LY96: variants seen among roughly 807,000 people sequenced by gnomAD.
LY96 encodes the protein myeloid differentiation protein-2.
A neutral mutation model predicts 18.9 loss-of-function variants in LY96; 18 were observed. The observed-to-expected ratio is 0.95, with a 90% CI of 0.66 to 1.41. The LOEUF is 1.41. Ranked by LOEUF, LY96 falls within the 40% of genes most tolerant of loss-of-function variation. The pLI is 0.00. For missense variants in LY96, 175 were observed against 182.4 expected (o/e 0.96, Z 0.23); for synonymous variants, 66 against 62.6 (o/e 1.06, Z -0.26).
the LY96 span, among the ~76,000 whole-genome samples, chr8:74,097,248 G>C: frequency 6.6e-6 from 1 of 152,138 alleles, no homozygotes; most frequent in East Asian, 1.9e-4. Flanking sequence ...ACAGGTTACC[G>C]TTAGGCTGTC....
chr8:74,086,129 C>T, the LY96 span, among the ~76,000 whole-genome samples: 11,672 of 152,136 alleles, frequency 0.077, 1,017 homozygotes, highest in African/African-American at 0.22. Context: ...TAAGTGAAAT[C>T]TTTCCTGGAT....
chr8:74,053,720 A>G, the LY96 span, among the ~76,000 whole-genome samples: 1 of 152,222 alleles, frequency 6.6e-6, no homozygotes, highest in Non-Finnish European at 1.5e-5. Context: ...CTATGATTTG[A>G]ATGTGTCTGC....
chr8:74,007,677 T>C (rs17226566), intron 2 of LY96, among the ~76,000 whole-genome samples: 25,467 of 152,238 alleles, frequency 0.17, 2,662 homozygotes, highest in Non-Finnish European at 0.24. Context: ...ATAAGCTTCC[T>C]TCAAGGTTAT....
the LY96 span, among the ~76,000 whole-genome samples, chr8:74,081,887 C>T: frequency 6.6e-6 from 1 of 152,180 alleles, no homozygotes; most frequent in African/African-American, 2.4e-5. Context: ...CTCCTGACCT[C>T]ATGATCCTAA....
the LY96 span, among the ~76,000 whole-genome samples, chr8:74,044,414 T>A: frequency 6.6e-6 from 1 of 152,148 alleles, no homozygotes; most frequent in Non-Finnish European, 1.5e-5. Flanking sequence ...TGGTCTCAAA[T>A]TCCTGAGCTC....
At chr8:74,065,079 T>C in the LY96 span, among the ~76,000 whole-genome samples, 1 of 152,180 alleles carries the variant, frequency 6.6e-6, no homozygotes, top group African/African-American at 2.4e-5. Flanking sequence ...AGCCATGACT[T>C]CAACTCTTTA....
chr8:74,074,909 A>C, the LY96 span, among the ~76,000 whole-genome samples: 1 of 152,180 alleles, frequency 6.6e-6, no homozygotes, highest in Non-Finnish European at 1.5e-5. Context: ...CTAACACATG[A>C]TCTATCCTTG....
chr8:74,004,725 G>A (rs1816372838), intron 1 of LY96, 71 bp from the exon 2 acceptor site: 1 of 1,332,894 alleles, frequency 7.5e-7, no homozygotes, highest in Non-Finnish European at 1.0e-6. Context: ...TTAAAAGGCT[G>A]ATATTCAGAA....
the LY96 span, among the ~76,000 whole-genome samples, chr8:74,085,306 G>C: frequency 1.3e-5 from 2 of 152,210 alleles, no homozygotes; most frequent in Admixed American, 1.3e-4. Flanking sequence ...TTCAAAGCCA[G>C]ACATCTTATT....
chr8:74,096,551 C>T, the LY96 span, among the ~76,000 whole-genome samples: 1 of 152,264 alleles, frequency 6.6e-6, no homozygotes, highest in African/African-American at 2.4e-5. Flanking sequence ...CATTGCAACC[C>T]TCTCCCTCCA....
At chr8:74,089,989 TG>T in the LY96 span, among the ~76,000 whole-genome samples, 1 of 150,984 alleles carries the variant, frequency 6.6e-6, no homozygotes, top group East Asian at 1.9e-4. Context: ...TGGAGAGAGG[TG>T]GAAAGGGGAG....
At chr8:74,084,381 A>G in the LY96 span, among the ~76,000 whole-genome samples, 1 of 152,214 alleles carries the variant, frequency 6.6e-6, no homozygotes, top group Non-Finnish European at 1.5e-5. Context: ...CGCCTTAGCC[A>G]GAATACTGGT....
chr8:74,073,289 C>G, the LY96 span, among the ~76,000 whole-genome samples: 2 of 152,168 alleles, frequency 1.3e-5, no homozygotes, highest in East Asian at 3.8e-4. Context: ...CTGTGGCTTC[C>G]TGCCATCAGG....
At chr8:74,085,298 C>G in the LY96 span, among the ~76,000 whole-genome samples, 1 of 152,314 alleles carries the variant, frequency 6.6e-6, no homozygotes. Flanking sequence ...TGTCTGGTTT[C>G]AAAGCCAGAC....
At chr8:74,060,159 C>T in the LY96 span, among the ~76,000 whole-genome samples, 3 of 150,824 alleles carry the variant, frequency 2.0e-5, no homozygotes, top group East Asian at 1.9e-4. Context: ...ACAACAACAA[C>T]GACGACGACG....
At chr8:74,001,159 A>G (rs1363828165) in intron 1 of LY96, among the ~76,000 whole-genome samples, 1 of 151,636 alleles carries the variant, frequency 6.6e-6, no homozygotes, top group African/African-American at 2.4e-5. Context: ...ACATATAACA[A>G]CTCTACACTT....
At chr8:74,052,881 T>C in the LY96 span, among the ~76,000 whole-genome samples, 9 of 152,226 alleles carry the variant, frequency 5.9e-5, no homozygotes, top group African/African-American at 2.2e-4. Context: ...AGTTTACATT[T>C]ACCATGTGGG....
At chr8:74,081,974 T>C in the LY96 span, among the ~76,000 whole-genome samples, 2 of 152,234 alleles carry the variant, frequency 1.3e-5, no homozygotes, top group African/African-American at 4.8e-5. Context: ...CATTTTGGCT[T>C]CAGGGAGATT....
chr8:74,034,056 TGCAC>T (rs1230603140), downstream of LY96, among the ~76,000 whole-genome samples: 1 of 152,210 alleles, frequency 6.6e-6, no homozygotes, highest in Non-Finnish European at 1.5e-5. Flanking sequence ...AAACTTATTT[TGCAC>T]ATACATTGGT....
Sources: allele counts gnomAD v4.1 joint callset (sites outside exome capture counted in the v4.1 genomes callset), GRCh38; gene constraint gnomAD v4.1.1; transcripts MANE v1.5; gene names NCBI Gene and HGNC (gene_info 2026-07-23, HGNC 2026-07-21).